PTPRU: variants seen among roughly 807,000 people sequenced by gnomAD.
PTPRU encodes the protein protein tyrosine phosphatase receptor type U.
A neutral mutation model predicts 166.3 loss-of-function variants in PTPRU; 69 were observed. That is an observed-to-expected ratio of 0.41 (90% CI 0.34 to 0.51). The LOEUF (loss-of-function observed/expected upper bound fraction) is 0.51. Among genes scored for constraint, PTPRU ranks in the 20% least tolerant of loss-of-function variants. The pLI is 0.09. For synonymous variants in PTPRU, 793 were observed against 814.0 expected, an observed-to-expected ratio of 0.97 and a Z score of 0.44; for missense variants, 1,657 against 2,013.7, an observed-to-expected ratio of 0.82 and a Z score of 3.39.
intron 16 of PTPRU, 118 bp from the exon 17 acceptor site, chr1:29,304,656 G>A: frequency 1.5e-6 from 1 of 678,632 alleles, no homozygotes; most frequent in Non-Finnish European, 2.4e-6. Flanking sequence ...CCCAAGTTCA[G>A]CTTGAATCTG....
intron 15 of PTPRU, among the ~76,000 whole-genome samples, chr1:29,303,288 G>A (rs920186241): frequency 1.3e-5 from 2 of 152,202 alleles, no homozygotes; most frequent in Admixed American, 1.3e-4. Context: ...TGTGTGAGGA[G>A]CTGTGGACCT....
At chr1:29,245,537 C>T (rs1221389460) in intron 1 of PTPRU, among the ~76,000 whole-genome samples, 1 of 152,176 alleles carries the variant, frequency 6.6e-6, no homozygotes. Context: ...GGTCCAGCCT[C>T]CTTGCACAGC....
At position 29,280,752 on chromosome 1, in the gene PTPRU, G is replaced by A. The variant is rs1317527291; in HGVS notation, c.1868+611G>A. ...TGTGTGGTGTGAGTGTGTGTGAGAG[G>A]CGTATATGGGAGACATAAGTGTGCA... On this transcript the variant is annotated intron_variant, in intron 11 of 29. Transcript: ENST00000373779. The surrounding 1 kb of genome is among the most constrained non-coding windows in gnomAD (Gnocchi z 4.2). Among the ~76,000 whole-genome samples the A allele has an allele frequency of 5.9e-5, 9 of 151,900 alleles. No homozygotes were observed. The highest frequency in any genetic ancestry group is 5.9e-4 in the Admixed American group (9 of 15,250).
At chr1:29,283,864 G>A in intron 12 of PTPRU, 76 bp from the exon 13 acceptor site, 1 of 1,553,960 alleles carries the variant, frequency 6.4e-7, no homozygotes, top group Middle Eastern at 1.7e-4. Context: ...CCCAAGAAAC[G>A]CTGTCTGAGG....
intron 15 of PTPRU, among the ~76,000 whole-genome samples, chr1:29,297,333 G>GT (rs1686936981): frequency 6.6e-6 from 1 of 152,064 alleles, no homozygotes; most frequent in Admixed American, 6.6e-5. Flanking sequence ...GAGATTACAG[G>GT]TGTGAGCCAC....
intron 7 of PTPRU, among the ~76,000 whole-genome samples, chr1:29,274,180 G>C (rs910191574): frequency 6.6e-6 from 1 of 152,112 alleles, no homozygotes; most frequent in Non-Finnish European, 1.5e-5. Flanking sequence ...ACAGGCTTGC[G>C]CCACCACGCC....
chr1:29,325,858 C>T lies in PTPRU; in HGVS notation c.*197C>T, dbSNP rs1688391103. The T allele has an allele frequency of 1.7e-6, 1 of 605,618 alleles. No homozygotes were observed. Among genetic ancestry groups the T allele is most frequent in the Middle Eastern group, 4.5e-4 (1 of 2,238 alleles). 37.5% of individuals were successfully genotyped at this position (605,618 alleles called of 1,614,324 possible). On this transcript the variant is annotated 3_prime_UTR_variant, in exon 30 of 30. Transcript: ENST00000373779. ...CTTGTCCCATGGGCGGGTGGTGGGC[C>T]AAGGAGGAGCTTAGCAAGTCTGCAG...
At chr1:29,321,380 G>A (rs1000025973) in intron 26 of PTPRU, among the ~76,000 whole-genome samples, 1 of 152,082 alleles carries the variant, frequency 6.6e-6, no homozygotes, top group Non-Finnish European at 1.5e-5. Flanking sequence ...GCCAGGGACT[G>A]CTTTGCACTC....
intron 14 of PTPRU, among the ~76,000 whole-genome samples, chr1:29,285,199 G>T (rs1288429022): frequency 2.0e-5 from 3 of 152,158 alleles, no homozygotes; most frequent in African/African-American, 7.2e-5. Context: ...AGGTGACCTG[G>T]CTTTGAACCC....
rs1258923911 is a variant in PTPRU, at chr1:29,260,159, C to T, written c.850+115C>T. 2.6e-6 allele frequency: 3 copies of T among 1,142,376 alleles called. No homozygotes were observed. Among genetic ancestry groups the T allele is most frequent in the African/African-American group, 3.3e-5 (2 of 60,590 alleles). 70.8% of individuals were successfully genotyped at this position (1,142,376 alleles called of 1,614,324 possible). A position where few individuals can be genotyped will look rare whatever the true frequency, so the allele number is the denominator to read the frequency against. On this transcript the variant is annotated intron_variant, in intron 6 of 29. Coordinates refer to ENST00000373779, the MANE Select transcript of PTPRU (RefSeq NM_133178.4). This position sits in a 1 kb window ranked among gnomAD's most constrained non-coding sequence, Gnocchi z 8.3. ...GTGGGGGGTGGGGCCGGCAGGGTGT[C>T]GCTGGGGCGCTATCTGAAGATGGGC...
intron 2 of PTPRU, among the ~76,000 whole-genome samples, chr1:29,258,026 G>A (rs1250258344): frequency 2.6e-5 from 4 of 151,966 alleles, no homozygotes; most frequent in African/African-American, 9.7e-5. Flanking sequence ...GTGCAGTGGC[G>A]TGATCTTGGC....
In PTPRU at chr1:29,315,515, G is replaced by A. The variant is rs753514924; in HGVS notation, c.3363+8G>A. 40 of 1,613,970 alleles carry A rather than the reference G, an allele frequency of 2.5e-5. No individual in the cohort carries two copies. In the East Asian group the frequency reaches 8.0e-4, roughly 32 times the overall value. On this transcript the variant is annotated splice_region_variant and intron_variant, in intron 23 of 29. Coordinates refer to ENST00000373779, the MANE Select transcript of PTPRU (RefSeq NM_133178.4). This position sits in a 1 kb window ranked among gnomAD's most constrained non-coding sequence, Gnocchi z 4.5. ...AACATGATCCAGACTGAGGTGCGGGGACCTGGCCCTGTCCCCACCATTATT... is the reference window on the plus strand; with the variant it reads ...AACATGATCCAGACTGAGGTGCGGGAACCTGGCCCTGTCCCCACCATTATT...
chr1:29,281,795 A>G (rs979956875), intron 11 of PTPRU, among the ~76,000 whole-genome samples: 2 of 152,200 alleles, frequency 1.3e-5, no homozygotes, highest in Non-Finnish European at 2.9e-5. Flanking sequence ...GAGCAAGGAA[A>G]AGGCATTTCT....
chr1:29,276,186 T>G (rs1298785809), intron 8 of PTPRU, among the ~76,000 whole-genome samples: 1 of 152,212 alleles, frequency 6.6e-6, no homozygotes, highest in African/African-American at 2.4e-5. Flanking sequence ...AGACAGAGTC[T>G]TGCTCTGTTG....
In PTPRU at chr1:29,259,923, G is replaced by A. The variant is rs1411139430; in HGVS notation, c.729G>A (p.Arg243=). 54 of 1,533,444 alleles carry A rather than the reference G, an allele frequency of 3.5e-5. No homozygotes were observed. The East Asian group carries it at 1.3e-3, about 36-fold the overall frequency. The allele number at this position is 1,533,444 out of a possible 1,614,324, so 95.0% of individuals were successfully genotyped here. A position where few individuals can be genotyped will look rare whatever the true frequency, so the allele number is the denominator to read the frequency against. ...CGGGCGTGCGGCACATCAGCCACCG[G>A]CGCTTCCTGGCCACTTTCCCGCTGG... The part of the protein sequence containing the change: ...PAAGVRHISH[R]RFLATFPLAA... Residue 243 remains arginine (R), a synonymous_variant, in exon 6 of 30, where the codon CGG becomes CGA. Coordinates refer to ENST00000373779, the MANE Select transcript of PTPRU (RefSeq NM_133178.4).
At position 29,280,160 on chromosome 1, in the gene PTPRU, A is replaced by AG. The variant is rs759422612; in HGVS notation, c.1868+23dup. ...CCATCAGGTGGGAAAGCGGGGACGG[A>AG]GGGGTGGGAGTCCAGGGCCTTAGGA... On this transcript the variant is annotated intron_variant, in intron 11 of 29. Coordinates refer to ENST00000373779, the MANE Select transcript of PTPRU (RefSeq NM_133178.4). The surrounding 1 kb of genome is among the most constrained non-coding windows in gnomAD (Gnocchi z 4.2). 41 of 1,585,648 alleles carry AG rather than the reference A, an allele frequency of 2.6e-5. No individual in the cohort carries two copies. The East Asian group carries it at 8.9e-4, about 35-fold the overall frequency.
intron 7 of PTPRU, among the ~76,000 whole-genome samples, chr1:29,272,665 G>A (rs2151949934): frequency 6.6e-6 from 1 of 152,216 alleles, no homozygotes; most frequent in South Asian, 2.1e-4. Context: ...CCAGTACTTT[G>A]GGAGGTAGAG....
At chr1:29,313,576 C>T (rs1222948521) in intron 22 of PTPRU, among the ~76,000 whole-genome samples, 2 of 152,230 alleles carry the variant, frequency 1.3e-5, no homozygotes, top group African/African-American at 2.4e-5. Flanking sequence ...AGAACATTGG[C>T]TGGGCACAGG....
At position 29,279,317 on chromosome 1, in the gene PTPRU, A is replaced by G; in HGVS notation, c.1564-139A>G. 6.5e-6 allele frequency: 7 copies of G among 1,076,794 alleles called. No individual in the cohort carries two copies. The highest frequency in any genetic ancestry group is 9.5e-6 in the Non-Finnish European group (7 of 734,200). 66.7% of individuals were successfully genotyped at this position (1,076,794 alleles called of 1,614,324 possible). ...GCAGGAGGGAGAGCCGAAGATGACTAGAAGCCTGGCTTGATGGCATCCATA... is the reference window on the plus strand; with the variant it reads ...GCAGGAGGGAGAGCCGAAGATGACTGGAAGCCTGGCTTGATGGCATCCATA... On this transcript the variant is annotated intron_variant, in intron 9 of 29. Transcript: ENST00000373779. The surrounding 1 kb of genome is among the most constrained non-coding windows in gnomAD (Gnocchi z 5.2).
Sources: gnomAD v4.1 joint callset for allele counts (sites outside exome capture counted in the v4.1 genomes callset) on GRCh38, gnomAD v4.1.1 for gene constraint, Gnocchi (gnomAD v3.1) non-coding constraint, MANE v1.5 for transcripts, NCBI Gene and HGNC (gene_info 2026-07-23, HGNC 2026-07-21) for gene names.